GRIN2D: variants seen among roughly 807,000 people sequenced by gnomAD.
The protein encoded by GRIN2D is glutamate receptor ionotropic, NMDA 2D.
A neutral mutation model predicts 103.2 loss-of-function variants in GRIN2D; 37 were observed. The ratio of observed to expected loss-of-function variants is 0.36; its 90% CI spans 0.28 to 0.47. The LOEUF (loss-of-function observed/expected upper bound fraction) is 0.47, where lower values mean the gene tolerates loss of function less well. GRIN2D is among the 20% of genes least tolerant of loss of function. The pLI is 1.00. For missense variants in GRIN2D, 1,557 were observed against 1,910.6 expected, an observed-to-expected ratio of 0.81 and a Z score of 3.45; for synonymous variants, 845 against 885.6, an observed-to-expected ratio of 0.95 and a Z score of 0.81.
At chr19:48,402,170 G>GAA (rs1970724606) in intron 3 of GRIN2D, among the ~76,000 whole-genome samples, 1 of 122,034 alleles carries the variant, frequency 8.2e-6, no homozygotes, top group African/African-American at 3.2e-5. Flanking sequence ...GAAAGAAAGA[G>GAA]AGAAAAGAAA....
At chr19:48,407,008 T>C (rs1468732288) in intron 4 of GRIN2D, among the ~76,000 whole-genome samples, 1 of 149,708 alleles carries the variant, frequency 6.7e-6, no homozygotes, top group Admixed American at 6.7e-5. Context: ...AGACGGAGTC[T>C]CACTCTGTCG....
chr19:48,398,845 G>A lies in GRIN2D; in HGVS notation c.453G>A (p.Val151=). 3 of 1,375,370 alleles carry A rather than the reference G, an allele frequency of 2.2e-6. No homozygotes were observed. In the South Asian group the frequency reaches 4.8e-5, roughly 22 times the overall value. 85.2% of individuals were successfully genotyped at this position (1,375,370 alleles called of 1,614,324 possible). The part of the protein sequence containing the change: ...IVAVHGGAAL[V]LTPKEKGSTF... ...CCGTGCACGGCGGCGCCGCGCTCGT[G>A]CTCACGCCCAAGGTGCGCGCGACCG... is the stretch of plus-strand genomic sequence containing the variant. The change falls in exon 3 of 14, where the codon GTG becomes GTA. Residue 151 remains valine (V), a synonymous_variant. Coordinates refer to ENST00000263269, the MANE Select transcript of GRIN2D (RefSeq NM_000836.4).
At position 48,443,369 on chromosome 19, in the gene GRIN2D, C is replaced by A; in HGVS notation, c.3443C>A (p.Pro1148Gln). 1 of 1,493,572 alleles carries A rather than the reference C, an allele frequency of 6.7e-7. No homozygotes were observed. The allele number at this position is 1,493,572 out of a possible 1,614,324, so 92.5% of individuals were successfully genotyped here. A position where few individuals can be genotyped will look rare whatever the true frequency, so the allele number is the denominator to read the frequency against. The change falls in exon 14 of 14, where the codon CCG becomes CAG. Residue 1148 changes from proline to glutamine, a missense_variant. Physicochemically the swap from Pro to Gln is moderately conservative, Grantham distance 76. Around this residue, in one of 7 missense-constraint regions of GRIN2D, gnomAD observed 632 missense variants for 572.8 expected, o/e 1.10. Coordinates refer to ENST00000263269, the MANE Select transcript of GRIN2D (RefSeq NM_000836.4). The surrounding 1 kb of genome is among the most constrained non-coding windows in gnomAD (Gnocchi z 8.9). ...PYPYAERLGP[P>Q]PGRYWSVDKL... ...CCGTATGCCGAGCGCCTCGGGCCGC[C>A]GCCCGGCCGCTACTGGTCGGTCGAC... is the stretch of plus-strand genomic sequence containing the variant.
chr19:48,399,895 AG>A (rs1970688746), intron 3 of GRIN2D, among the ~76,000 whole-genome samples: 1 of 78,520 alleles, frequency 1.3e-5, no homozygotes, highest in Non-Finnish European at 2.6e-5. Context: ...GGGGCCAGCG[AG>A]GGGCGGGGCC....
intron 9 of GRIN2D, 98 bp downstream of exon 9, chr19:48,419,457 C>G: frequency 2.0e-6 from 3 of 1,465,894 alleles, no homozygotes; most frequent in Non-Finnish European, 2.8e-6. Flanking sequence ...GGCGGTCAAG[C>G]TAGGGCCTCT....
In GRIN2D at chr19:48,414,391, C is replaced by G; in HGVS notation, c.1219C>G (p.Gln407Glu). Reference sequence around the variant, plus strand: ...GGCCAAGGTGGGCAGCTGGGAGCAGCAGACGCTCCGCCTCAAGTACCCGCT... The same window carrying G: ...GGCCAAGGTGGGCAGCTGGGAGCAGGAGACGCTCCGCCTCAAGTACCCGCT... ...TWEVVGSWEQQTLRLKYPLWS... is the reference protein window; with the variant it reads ...TWEVVGSWEQETLRLKYPLWS... The change falls in exon 6 of 14, where the codon CAG becomes GAG. Residue 407 changes from glutamine (Q) to glutamate (E), a missense_variant. Physicochemically the swap from Gln to Glu is conservative, Grantham distance 29 (BLOSUM62 2). Around this residue, in one of 7 missense-constraint regions of GRIN2D, gnomAD observed 490 missense variants for 601.1 expected, o/e 0.82. Transcript: ENST00000263269. The surrounding 1 kb of genome is among the most constrained non-coding windows in gnomAD (Gnocchi z 4.6). The G allele has an allele frequency of 6.2e-7, 1 of 1,607,320 alleles. No homozygotes were observed. Among genetic ancestry groups the G allele is most frequent in the Non-Finnish European group, 8.5e-7 (1 of 1,177,760 alleles).
Position 48,398,527 on chromosome 19 carries a change from C to T in GRIN2D, c.135C>T (p.Leu45=), listed in dbSNP as rs1970670296. ...PGGAGGPGGG[L]GGARPLNVAL... is the part of the protein sequence containing the mutation. The stretch of plus-strand genomic sequence containing the variant: ...GGGCCGGTGGGCCCGGCGGCGGCCT[C>T]GGCGGGGCGCGGCCGCTCAACGTGG... The change falls in exon 3 of 14, where the codon CTC becomes CTT. Residue 45 remains leucine (L), a synonymous_variant. Transcript: ENST00000263269. 2 of 1,049,130 alleles carry T rather than the reference C, an allele frequency of 1.9e-6. No individual in the cohort carries two copies. The highest frequency in any genetic ancestry group is 1.1e-6 in the Non-Finnish European group (1 of 872,782). 65.0% of individuals were successfully genotyped at this position (1,049,130 alleles called of 1,614,324 possible).
intron 11 of GRIN2D, among the ~76,000 whole-genome samples, chr19:48,436,181 C>T (rs1028002702): frequency 6.6e-6 from 1 of 152,192 alleles, no homozygotes; most frequent in African/African-American, 2.4e-5. Flanking sequence ...TTATCACTCA[C>T]ATCAGTCTGC....
chr19:48,414,856 G>A lies in GRIN2D; in HGVS notation c.1413-8G>A, dbSNP rs1157954460. ...CCCAAACTCCCCAAGCCTGGTCACT[G>A]CCCGCAGCCCTCCACCGGATGCCCC... is the stretch of plus-strand genomic sequence containing the variant. On this transcript the variant is annotated splice_region_variant and splice_polypyrimidine_tract_variant and intron_variant, in intron 6 of 13. Transcript: ENST00000263269. This position sits in a 1 kb window ranked among gnomAD's most constrained non-coding sequence, Gnocchi z 4.6. 16 of 1,613,896 alleles carry A rather than the reference G, an allele frequency of 9.9e-6. No individual in the cohort carries two copies. Among genetic ancestry groups the A allele is most frequent in the Non-Finnish European group, 1.4e-5 (16 of 1,179,962 alleles).
intron 11 of GRIN2D, among the ~76,000 whole-genome samples, chr19:48,440,567 T>C (rs970979767): frequency 2.0e-5 from 3 of 152,186 alleles, no homozygotes; most frequent in Non-Finnish European, 4.4e-5. Flanking sequence ...CATTCCAGCT[T>C]GGGCAACATA....
chr19:48,403,241 G>A (rs550246626), intron 3 of GRIN2D, among the ~76,000 whole-genome samples: 1 of 145,220 alleles, frequency 6.9e-6, no homozygotes, highest in Non-Finnish European at 1.5e-5. Flanking sequence ...GGATAGATTT[G>A]TCTGGAGCTC....
rs1413621446 is a variant in GRIN2D, at chr19:48,442,017, G to A, written c.2440+61G>A. The A allele has an allele frequency of 2.0e-6, 3 of 1,532,262 alleles. No individual in the cohort carries two copies. The highest frequency in any genetic ancestry group is 1.4e-5 in the African/African-American group (1 of 73,358). 94.9% of individuals were successfully genotyped at this position (1,532,262 alleles called of 1,614,324 possible). A position where few individuals can be genotyped will look rare whatever the true frequency, so the allele number is the denominator to read the frequency against. On this transcript the variant is annotated intron_variant, in intron 12 of 13. Transcript: ENST00000263269. The surrounding 1 kb of genome is among the most constrained non-coding windows in gnomAD (Gnocchi z 7.2). Reference sequence around the variant, plus strand: ...GGGGAGGGCGAGGCCCCTGGGTTCCGGGGAAGAAAGGGACAAAGACCCGGA... The same window carrying A: ...GGGGAGGGCGAGGCCCCTGGGTTCCAGGGAAGAAAGGGACAAAGACCCGGA...
rs1173674372 is a variant in GRIN2D at position 48,405,081 on chromosome 19, C to G, written c.813C>G (p.Val271=). The part of the protein sequence containing the change: ...EEAGLTGSGY[V]WFMVGPQLAG... ...CTGGCCTCACTGGATCTGGCTACGTCTGGTTCATGGTGGGGCCCCAGCTGG... is the reference window on the plus strand; with the variant it reads ...CTGGCCTCACTGGATCTGGCTACGTGTGGTTCATGGTGGGGCCCCAGCTGG... The change falls in exon 4 of 14, where the codon GTC becomes GTG. Residue 271 remains valine (V), a synonymous_variant. Transcript: ENST00000263269. This position sits in a 1 kb window ranked among gnomAD's most constrained non-coding sequence, Gnocchi z 5.1. 13 of 1,600,928 alleles carry G rather than the reference C, an allele frequency of 8.1e-6. No homozygotes were observed. The highest frequency in any genetic ancestry group is 1.1e-5 in the Non-Finnish European group (13 of 1,173,294).
At chr19:48,439,949 C>T (rs549334930) in intron 11 of GRIN2D, among the ~76,000 whole-genome samples, 68 of 151,528 alleles carry the variant, frequency 4.5e-4, no homozygotes, top group African/African-American at 1.3e-3. Flanking sequence ...TGGTGGCTCA[C>T]GCCTGTAATC....
intron 11 of GRIN2D, among the ~76,000 whole-genome samples, chr19:48,424,023 T>C (rs1971055198): frequency 6.6e-6 from 1 of 152,040 alleles, no homozygotes; most frequent in South Asian, 2.1e-4. Context: ...TTCACCATGT[T>C]GGTCAGGCTG....
chr19:48,411,598 G>A (rs1970861257), intron 4 of GRIN2D, among the ~76,000 whole-genome samples: 1 of 151,798 alleles, frequency 6.6e-6, no homozygotes, highest in Non-Finnish European at 1.5e-5. Flanking sequence ...CCAGCGAGCT[G>A]AGATTGCACC....
rs980280934 is a variant in GRIN2D, at chr19:48,443,093, C to A, written c.3167C>A (p.Pro1056Gln). The part of the protein sequence containing the change: ...CRLAFEDESP[P>Q]APARWPRSDP... ...TTGGCCTTCGAGGACGAGAGCCCGC[C>A]GGCGCCCGCGCGGTGGCCGCGCTCG... The change falls in exon 14 of 14, where the codon CCG becomes CAG. Residue 1056 changes from proline to glutamine, a missense_variant. Coordinates refer to ENST00000263269, the MANE Select transcript of GRIN2D (RefSeq NM_000836.4). This position sits in a 1 kb window ranked among gnomAD's most constrained non-coding sequence, Gnocchi z 8.9. 9.7e-7 allele frequency: 1 copy of A among 1,026,850 alleles called. No homozygotes were observed. Among genetic ancestry groups the A allele is most frequent in the South Asian group, 3.6e-5 (1 of 27,592 alleles). 63.6% of individuals were successfully genotyped at this position (1,026,850 alleles called of 1,614,324 possible). A position where few individuals can be genotyped will look rare whatever the true frequency, so the allele number is the denominator to read the frequency against.
At chr19:48,410,179 T>C (rs1469771463) in intron 4 of GRIN2D, among the ~76,000 whole-genome samples, 1 of 150,198 alleles carries the variant, frequency 6.7e-6, no homozygotes, top group African/African-American at 2.5e-5. Context: ...GGAGAGAAAC[T>C]TGGGCAGATG....
In GRIN2D at chr19:48,398,661, T is replaced by G; in HGVS notation, c.269T>G (p.Val90Gly). The G allele has an allele frequency of 1.4e-6, 2 of 1,449,942 alleles. No homozygotes were observed. Among genetic ancestry groups the G allele is most frequent in the Non-Finnish European group, 1.8e-6 (2 of 1,103,998 alleles). 89.8% of individuals were successfully genotyped at this position (1,449,942 alleles called of 1,614,324 possible). A position where few individuals can be genotyped will look rare whatever the true frequency, so the allele number is the denominator to read the frequency against. The change falls in exon 3 of 14, where the codon GTG becomes GGG. Residue 90 changes from valine (V) to glycine (G), a missense_variant. Transcript: ENST00000263269. ...CTAGACGTGCGGCCCGTGGCGCTGG[T>G]GCTCAACGGCTCGGACCCGCGCAGC... Reference protein sequence around the residue: ...PGLDVRPVALVLNGSDPRSLV... With the variant: ...PGLDVRPVALGLNGSDPRSLV...
Sources: allele counts gnomAD v4.1 joint callset (sites outside exome capture counted in the v4.1 genomes callset), GRCh38; gene constraint gnomAD v4.1.1; regional missense constraint gnomAD v4.1.1; non-coding constraint Gnocchi (gnomAD v3.1); transcripts MANE v1.5; gene names NCBI Gene and HGNC (gene_info 2026-07-23, HGNC 2026-07-21).